Variants in LRRTM4 observed in about 807,000 individuals in gnomAD.
LRRTM4 encodes leucine rich repeat transmembrane neuronal 4.
LRRTM4 carries 25 observed loss-of-function variants against 47.6 expected under a neutral mutation model. The observed-to-expected ratio is 0.53, with a 90% CI of 0.38 to 0.73. The LOEUF (loss-of-function observed/expected upper bound fraction) is 0.73, where lower values mean the gene tolerates loss of function less well. Among genes scored for constraint, LRRTM4 ranks in the 30% least tolerant of loss-of-function variants. LRRTM4 has a pLI of 0.00. For synonymous variants in LRRTM4, 311 were observed against 269.5 expected, an observed-to-expected ratio of 1.15 and a Z score of -1.51; for missense variants, 638 against 713.4, an observed-to-expected ratio of 0.89 and a Z score of 1.20.
rs146670488 is a variant in LRRTM4 at position 76,796,073 on chromosome 2, G to A, written c.1552-47157C>T. On this transcript the variant is annotated intron_variant, in intron 3 of 3. Transcript: ENST00000409884. ...GGTGATGTACTGCACCTGGAAAATC[G>A]GGTCACTCCCACCCGAATACTGCGC... is the stretch of plus-strand genomic sequence containing the variant. Among the ~76,000 whole-genome samples, 27 of 130,334 alleles carry A rather than the reference G, an allele frequency of 2.1e-4. 5 individuals carry two copies. The East Asian group carries it at 5.7e-3, about 28-fold the overall frequency. 85.5% of individuals were successfully genotyped at this position (130,334 alleles called of 152,430 possible).
intron 3 of LRRTM4, among the ~76,000 whole-genome samples, chr2:77,408,353 G>A (rs529877356): frequency 6.6e-6 from 1 of 152,034 alleles, no homozygotes. Flanking sequence ...ATTTATCATG[G>A]TTTAAGATAT....
chr2:77,096,960 T>C (rs986827097), intron 3 of LRRTM4, among the ~76,000 whole-genome samples: 10 of 151,826 alleles, frequency 6.6e-5, no homozygotes, highest in African/African-American at 2.4e-4. Flanking sequence ...AAAATCCATA[T>C]GCTAACATAT....
intron 3 of LRRTM4, among the ~76,000 whole-genome samples, chr2:77,145,671 G>T (rs1159287934): frequency 1.3e-5 from 2 of 151,778 alleles, no homozygotes; most frequent in Non-Finnish European, 2.9e-5. Context: ...CTACTCGGGA[G>T]GCTGAGGCAG....
At chr2:76,903,157 G>T (rs1198903070) in intron 3 of LRRTM4, among the ~76,000 whole-genome samples, 1 of 152,078 alleles carries the variant, frequency 6.6e-6, no homozygotes, top group Non-Finnish European at 1.5e-5. Context: ...GGATCAAGAG[G>T]TCAGGAGATC....
chr2:76,984,700 T>C (rs1317698202), intron 3 of LRRTM4, among the ~76,000 whole-genome samples: 2 of 152,000 alleles, frequency 1.3e-5, no homozygotes, highest in African/African-American at 4.8e-5. Context: ...ACTGGAGATA[T>C]GATGGAGCCA....
At chr2:76,974,763 T>A (rs1010705246) in intron 3 of LRRTM4, among the ~76,000 whole-genome samples, 1 of 151,782 alleles carries the variant, frequency 6.6e-6, no homozygotes, top group Non-Finnish European at 1.5e-5. Flanking sequence ...CCAAGAATAT[T>A]TCTGGAGTAT....
intron 3 of LRRTM4, among the ~76,000 whole-genome samples, chr2:76,777,255 TC>T (rs1166674999): frequency 6.7e-6 from 1 of 149,178 alleles, no homozygotes; most frequent in Admixed American, 6.7e-5. Context: ...CTTTTTTGGT[TC>T]CATATGAACT....
In LRRTM4 at chr2:77,014,648, C is replaced by T. The variant is rs190950904; in HGVS notation, c.1552-265732G>A. Among the ~76,000 whole-genome samples the T allele has an allele frequency of 4.8e-3, 725 of 151,828 alleles. 9 individuals are homozygous for T. The highest frequency in any genetic ancestry group is 0.016 in the African/African-American group (678 of 41,452). On this transcript the variant is annotated intron_variant, in intron 3 of 3. Transcript: ENST00000409884. ...CCAACATGGTGAAACCCTGTCTTTACTAAAAATACAAAAATTAGCTGGATG... is the reference window on the plus strand; with the variant it reads ...CCAACATGGTGAAACCCTGTCTTTATTAAAAATACAAAAATTAGCTGGATG...
intron 3 of LRRTM4, among the ~76,000 whole-genome samples, chr2:77,288,646 C>T (rs937765099): frequency 2.0e-5 from 3 of 152,034 alleles, no homozygotes; most frequent in Admixed American, 2.0e-4. Context: ...AAAAAATACA[C>T]ACAAAGAAAT....
At chr2:76,998,378 TC>T (rs5832266) in intron 3 of LRRTM4, among the ~76,000 whole-genome samples, 2,580 of 152,196 alleles carry the variant, frequency 0.017, 59 homozygotes, top group East Asian at 0.081. Flanking sequence ...TGCAGTATCT[TC>T]CCAGGGCACC....
chr2:77,410,274 T>A (rs538846287), intron 3 of LRRTM4, among the ~76,000 whole-genome samples: 205 of 152,256 alleles, frequency 1.3e-3, no homozygotes, highest in Non-Finnish European at 2.1e-3. Flanking sequence ...AACTAGAGTC[T>A]GATATTGGGA....
intron 3 of LRRTM4, among the ~76,000 whole-genome samples, chr2:76,831,382 T>C (rs1671348079): frequency 6.6e-6 from 1 of 152,194 alleles, no homozygotes; most frequent in Non-Finnish European, 1.5e-5. Context: ...CATGTCTCCA[T>C]GGACATCATA....
At chr2:77,061,682 TC>T (rs1179811697) in intron 3 of LRRTM4, among the ~76,000 whole-genome samples, 1 of 152,130 alleles carries the variant, frequency 6.6e-6, no homozygotes, top group Non-Finnish European at 1.5e-5. Flanking sequence ...TCAAACCAAC[TC>T]TCAAATAGTT....
At chr2:76,922,632 A>C (rs2103811892) in intron 3 of LRRTM4, among the ~76,000 whole-genome samples, 1 of 152,246 alleles carries the variant, frequency 6.6e-6, no homozygotes, top group South Asian at 2.1e-4. Context: ...AGGTAAAGCA[A>C]GTAAAGAGAT....
At chr2:77,037,735 T>C (rs1278855069) in intron 3 of LRRTM4, among the ~76,000 whole-genome samples, 1 of 151,674 alleles carries the variant, frequency 6.6e-6, no homozygotes, top group South Asian at 2.1e-4. Flanking sequence ...TGTTTGGTTG[T>C]TTGTTTGCTT....
At chr2:77,052,846 G>A (rs1273810936) in intron 3 of LRRTM4, among the ~76,000 whole-genome samples, 2 of 152,028 alleles carry the variant, frequency 1.3e-5, no homozygotes, top group Non-Finnish European at 2.9e-5. Context: ...TGTGTTTGAT[G>A]TAAGACTCAG....
chr2:76,857,550 C>G (rs1373364025), intron 3 of LRRTM4, among the ~76,000 whole-genome samples: 1 of 151,846 alleles, frequency 6.6e-6, no homozygotes, highest in Non-Finnish European at 1.5e-5. Context: ...CCTCATTGTT[C>G]AAGAGTCAGT....
At chr2:77,265,759 T>C (rs1441823095) in intron 3 of LRRTM4, among the ~76,000 whole-genome samples, 1 of 152,140 alleles carries the variant, frequency 6.6e-6, no homozygotes, top group Non-Finnish European at 1.5e-5. Context: ...AGGAAGTATA[T>C]AAAAGTTTTA....
chr2:76,815,421 T>C (rs566391869), intron 3 of LRRTM4, among the ~76,000 whole-genome samples: 2 of 152,166 alleles, frequency 1.3e-5, no homozygotes, highest in African/African-American at 4.8e-5. Context: ...TGCTGCTCTA[T>C]GAAAGTCTGC....
Sources: allele counts gnomAD v4.1 joint callset (sites outside exome capture counted in the v4.1 genomes callset), GRCh38; gene constraint gnomAD v4.1.1; transcripts MANE v1.5; gene names NCBI Gene and HGNC (gene_info 2026-07-23, HGNC 2026-07-21).